Variants in SYNE1 observed in about 807,000 individuals in gnomAD.
SYNE1 encodes nesprin-1.
A neutral mutation model predicts 1,111.0 loss-of-function variants in SYNE1; 616 were observed. The ratio of observed to expected loss-of-function variants is 0.55; its 90% CI spans 0.52 to 0.59. The LOEUF (loss-of-function observed/expected upper bound fraction) is 0.59. Ranked by LOEUF, SYNE1 falls within the 20% of genes least tolerant of loss-of-function variation. The probability of loss-of-function intolerance (pLI) is 0.00; values close to 1 mark genes in which losing one functional copy is unlikely to be tolerated. For missense variants in SYNE1, 10,006 were observed against 10,417.0 expected (o/e 0.96, Z 1.72); for synonymous variants, 3,855 against 3,825.8 (o/e 1.01, Z -0.28).
intron 42 of SYNE1, among the ~76,000 whole-genome samples, chr6:152,413,025 T>C (rs147542851): frequency 0.025 from 3,750 of 152,132 alleles, 178 homozygotes; most frequent in African/African-American, 0.086. Flanking sequence ...CAAATTTTTG[T>C]ATTTTTAGTA....
intron 54 of SYNE1, 77 bp downstream of exon 54, chr6:152,386,995 T>A: frequency 7.8e-7 from 1 of 1,278,608 alleles, no homozygotes; most frequent in Non-Finnish European, 1.1e-6. Context: ...TTGGCAACAG[T>A]CATTATATTA....
chr6:152,284,311 G>T, intron 95 of SYNE1, 139 bp from the exon 96 acceptor site: 1 of 879,134 alleles, frequency 1.1e-6, no homozygotes, highest in Non-Finnish European at 1.8e-6. Flanking sequence ...ACAAATAGCA[G>T]CCTACTCACC....
chr6:152,177,240 A>G (rs1563240131), intron 129 of SYNE1, among the ~76,000 whole-genome samples: 1 of 152,142 alleles, frequency 6.6e-6, no homozygotes, highest in South Asian at 2.1e-4. Context: ...TGTTTGAGTT[A>G]AAGAGGACAG....
Position 152,483,102 on chromosome 6 carries a change from T to G in SYNE1, c.1333A>C (p.Lys445Gln), listed in dbSNP as rs1480838656. Residue 445 changes from lysine (K) to glutamine (Q), a missense_variant, in exon 14 of 146, where the codon AAA becomes CAA. This residue lies in a region of SYNE1 where 1,971 missense variants were observed against 2,084.1 expected (regional missense o/e 0.95). Coordinates refer to ENST00000367255, the MANE Select transcript of SYNE1 (RefSeq NM_182961.4). The stretch of plus-strand genomic sequence containing the variant: ...ATTTTTACCTTATGTTGCTCAAGTT[T>G]CCGTTGTATCGTGTTTGCTGTTTCC... ...HEETANTIQR[K>Q]LEQHKDLLQN... The G allele has an allele frequency of 6.2e-7, 1 of 1,614,200 alleles. No individual in the cohort carries two copies. Among genetic ancestry groups the G allele is most frequent in the Middle Eastern group, 1.6e-4 (1 of 6,062 alleles).
rs1591299155 is a variant in SYNE1 at position 152,369,622 on chromosome 6, G to A, written c.9508-8C>T. The A allele has an allele frequency of 1.9e-6, 3 of 1,614,056 alleles. No individual in the cohort carries two copies. Among genetic ancestry groups the A allele is most frequent in the East Asian group, 2.2e-5 (1 of 44,876 alleles). On this transcript the variant is annotated splice_region_variant and splice_polypyrimidine_tract_variant and intron_variant, in intron 59 of 145. Transcript: ENST00000367255. The stretch of plus-strand genomic sequence containing the variant: ...CATTTGGATCTTTAGATTCTGCAAG[G>A]TTTTAGATAGTGTCCAGGACAAGAA...
chr6:152,453,531 T>C, intron 25 of SYNE1, 55 bp downstream of exon 25: 1 of 1,613,738 alleles, frequency 6.2e-7, no homozygotes, highest in Non-Finnish European at 8.5e-7. Context: ...CTTAACACGC[T>C]CAAGCTTCTC....
In SYNE1 at chr6:152,231,495, T is replaced by C; in HGVS notation, c.20935A>G (p.Ser6979Gly). Residue 6979 changes from serine to glycine, a missense_variant, in exon 114 of 146, where the codon AGT becomes GGT. Ser to Gly is a moderately conservative substitution (Grantham distance 56). This residue lies in a region of SYNE1 where 2,182 missense variants were observed against 2,287.8 expected (regional missense o/e 0.95). Transcript: ENST00000367255. ...CTACGCTTACTTTCCACATCCTGAC[T>C]GCTGATTTGTAGCACGGACTGGTTC... ...FVNQSVLQIS[S>G]QDVESKRSDK... 1.9e-6 allele frequency: 3 copies of C among 1,614,200 alleles called. No individual in the cohort carries two copies. The highest frequency in any genetic ancestry group is 2.5e-6 in the Non-Finnish European group (3 of 1,180,026).
chr6:152,565,562 A>G (rs957938466), intron 3 of SYNE1, among the ~76,000 whole-genome samples: 3 of 152,122 alleles, frequency 2.0e-5, no homozygotes, highest in African/African-American at 7.2e-5. Context: ...ATAATTCTTG[A>G]AATTCTCATT....
Position 152,539,917 on chromosome 6 carries a change from G to T in SYNE1, c.129+43C>A, listed in dbSNP as rs74861532. On this transcript the variant is annotated intron_variant, in intron 4 of 145. Transcript: ENST00000367255. ...ATACTGGACATTTAATGATTTACTG[G>T]CTCAACCTAAGTAAACCTGTAATGC... is the stretch of plus-strand genomic sequence containing the variant. 5.8e-3 allele frequency: 9,308 copies of T among 1,595,162 alleles called. 491 individuals carry two copies. The African/African-American group carries it at 0.11, about 18-fold the overall frequency.
chr6:152,126,196 G>C (rs972208134), intron 145 of SYNE1: 2 of 152,204 alleles, frequency 1.3e-5, no homozygotes, highest in African/African-American at 4.8e-5. Flanking sequence ...TGTCCGTGCA[G>C]CTGGCTGCCC....
intron 126 of SYNE1, among the ~76,000 whole-genome samples, chr6:152,202,718 AC>A (rs2075767477): frequency 6.6e-6 from 1 of 152,042 alleles, no homozygotes; most frequent in African/African-American, 2.4e-5. Flanking sequence ...CTCTTTCTTA[AC>A]CCCATCCATA....
intron 130 of SYNE1, among the ~76,000 whole-genome samples, chr6:152,175,596 C>G (rs1304600986): frequency 6.6e-6 from 1 of 152,214 alleles, no homozygotes. Context: ...TATTTAGGCA[C>G]TGTTCTTAGT....
chr6:152,145,123 A>G (rs2059242120), intron 137 of SYNE1: 1 of 335,814 alleles, frequency 3.0e-6, no homozygotes, highest in Non-Finnish European at 5.8e-6. Context: ...GTCTCCAGCC[A>G]CAGGTAGGTC....
chr6:152,195,848 T>C (rs186012824), intron 127 of SYNE1, among the ~76,000 whole-genome samples: 1 of 109,148 alleles, frequency 9.2e-6, no homozygotes, highest in African/African-American at 4.1e-5. Context: ...CCCTAGGCCA[T>C]ACAGGCTTGT....
rs558612000 is a variant in SYNE1 at position 152,367,926 on chromosome 6, G to A, written c.9808-544C>T. On this transcript the variant is annotated intron_variant, in intron 61 of 145. Coordinates refer to ENST00000367255, the MANE Select transcript of SYNE1 (RefSeq NM_182961.4). The stretch of plus-strand genomic sequence containing the variant: ...AATATTCATATATCGATTACTTTTG[G>A]TATCTAAGTAAATACAAAGGAATGG... The A allele has an allele frequency of 3.2e-5, 5 of 157,364 alleles. No homozygotes were observed. In the South Asian group the frequency reaches 9.3e-4, roughly 29 times the overall value. 9.7% of individuals were successfully genotyped at this position (157,364 alleles called of 1,614,324 possible).
Position 152,201,745 on chromosome 6 carries a change from G to A in SYNE1, c.23145+79C>T, listed in dbSNP as rs148428551. On this transcript the variant is annotated intron_variant, in intron 127 of 145. Transcript: ENST00000367255. ...GTATCTGCATGTAGATAACCTAAGA[G>A]TTTGACTGGATTATGGCCCCAAAGA... 8.9e-5 allele frequency: 143 copies of A among 1,606,420 alleles called. 1 individual carries two copies. The East Asian group carries it at 3.1e-3, about 35-fold the overall frequency.
At chr6:152,596,172 A>G (rs2099580916) in intron 3 of SYNE1, among the ~76,000 whole-genome samples, 1 of 150,060 alleles carries the variant, frequency 6.7e-6, no homozygotes, top group Admixed American at 6.7e-5. Flanking sequence ...GAGAAGAACA[A>G]TTGTCAGTAT....
intron 41 of SYNE1, among the ~76,000 whole-genome samples, chr6:152,415,604 C>T (rs1204336840): frequency 6.6e-6 from 1 of 152,048 alleles, no homozygotes; most frequent in Non-Finnish European, 1.5e-5. Context: ...GGATCACTAC[C>T]TTTCTCTTCT....
At chr6:152,462,616 C>T (rs2098741046) in intron 20 of SYNE1, 122 bp downstream of exon 20, 2 of 1,157,668 alleles carry the variant, frequency 1.7e-6, no homozygotes, top group South Asian at 1.3e-5. Flanking sequence ...TTGGGACATA[C>T]AGACATGTCA....
Sources: allele counts gnomAD v4.1 joint callset (sites outside exome capture counted in the v4.1 genomes callset), GRCh38; gene constraint gnomAD v4.1.1; regional missense constraint gnomAD v4.1.1; transcripts MANE v1.5; gene names NCBI Gene and HGNC (gene_info 2026-07-23, HGNC 2026-07-21).